The following CHRM3 variants were observed in gnomAD, a reference collection of about 807,000 sequenced individuals.
The protein encoded by CHRM3 is muscarinic acetylcholine receptor M3.
CHRM3 carries 11 observed loss-of-function variants against 41.8 expected under a neutral mutation model. The observed-to-expected ratio is 0.26, with a 90% CI of 0.17 to 0.44. The LOEUF (loss-of-function observed/expected upper bound fraction) is 0.44, where lower values mean the gene tolerates loss of function less well. CHRM3 is among the 20% of genes least tolerant of loss of function. The pLI is 1.00. For synonymous variants in CHRM3, 297 were observed against 301.4 expected, an observed-to-expected ratio of 0.99 and a Z score of 0.15; for missense variants, 571 against 745.4, an observed-to-expected ratio of 0.77 and a Z score of 2.72.
At chr1:239,776,541 A>C (rs1668096841) in intron 5 of CHRM3, among the ~76,000 whole-genome samples, 1 of 152,184 alleles carries the variant, frequency 6.6e-6, no homozygotes, top group Non-Finnish European at 1.5e-5. Context: ...ACCTTTCAAA[A>C]AATTGATGTA....
intron 1 of CHRM3, among the ~76,000 whole-genome samples, chr1:239,409,956 A>AC (rs1465479290): frequency 6.6e-6 from 1 of 152,146 alleles, no homozygotes; most frequent in African/African-American, 2.4e-5. Context: ...AAACAAACAA[A>AC]AAAAAGATAG....
At chr1:239,874,450 A>T (rs865892223) in intron 6 of CHRM3, among the ~76,000 whole-genome samples, 2 of 151,162 alleles carry the variant, frequency 1.3e-5, no homozygotes, top group Middle Eastern at 3.4e-3. Flanking sequence ...GTGTAAACAA[A>T]GGACCAACTT....
At chr1:239,519,587 A>G (rs990163237) in intron 2 of CHRM3, among the ~76,000 whole-genome samples, 10 of 152,144 alleles carry the variant, frequency 6.6e-5, no homozygotes, top group Admixed American at 2.0e-4. Context: ...CTATCTTGAA[A>G]TGAATTGTTA....
chr1:239,642,628 A>C (rs1671299284), intron 4 of CHRM3, among the ~76,000 whole-genome samples: 1 of 152,048 alleles, frequency 6.6e-6, no homozygotes, highest in Non-Finnish European at 1.5e-5. Flanking sequence ...AGCTCCTTTA[A>C]GCACTTCTCT....
intron 5 of CHRM3, among the ~76,000 whole-genome samples, chr1:239,777,838 G>T (rs1668216853): frequency 6.6e-6 from 1 of 152,102 alleles, no homozygotes; most frequent in South Asian, 2.1e-4. Context: ...ATAGTTACAG[G>T]GTTGTATTTC....
intron 6 of CHRM3, among the ~76,000 whole-genome samples, chr1:239,874,295 A>ATATATATATATCCATATACACAG (rs1553291886): frequency 1.4e-4 from 10 of 73,162 alleles, no homozygotes; most frequent in Non-Finnish European, 2.4e-4. Flanking sequence ...GTATATATAT[A>ATATATATATATCCATATACACAG]TATATATATA....
intron 3 of CHRM3, among the ~76,000 whole-genome samples, chr1:239,572,186 G>T (rs1439210322): frequency 6.6e-6 from 1 of 152,158 alleles, no homozygotes; most frequent in Non-Finnish European, 1.5e-5. Context: ...GAATCCAGAT[G>T]CAGGCACGAG....
intron 2 of CHRM3, among the ~76,000 whole-genome samples, chr1:239,508,560 C>T (rs1668722172): frequency 6.6e-6 from 1 of 152,188 alleles, no homozygotes. Context: ...TCTTCCTCAA[C>T]TCATGCAAGT....
intron 5 of CHRM3, among the ~76,000 whole-genome samples, chr1:239,786,281 C>T (rs1219873319): frequency 2.0e-5 from 3 of 152,064 alleles, no homozygotes; most frequent in African/African-American, 7.2e-5. Context: ...ATTTTGTATC[C>T]ACCATGCTAG....
intron 5 of CHRM3, among the ~76,000 whole-genome samples, chr1:239,739,594 G>T (rs1482724864): frequency 1.3e-5 from 2 of 152,050 alleles, no homozygotes; most frequent in Non-Finnish European, 2.9e-5. Context: ...TGCTAATAAG[G>T]CTGGGACATT....
At chr1:239,791,423 AGG>A (rs769048163) in intron 5 of CHRM3, among the ~76,000 whole-genome samples, 3 of 152,204 alleles carry the variant, frequency 2.0e-5, no homozygotes, top group Non-Finnish European at 4.4e-5. Context: ...TTTCTTTAAA[AGG>A]GGCATGTTGA....
intron 2 of CHRM3, among the ~76,000 whole-genome samples, chr1:239,518,615 C>A (rs1669428375): frequency 6.6e-6 from 1 of 152,188 alleles, no homozygotes; most frequent in Admixed American, 6.5e-5. Context: ...AAGCCAGAAG[C>A]TATTGCCAAT....
intron 3 of CHRM3, among the ~76,000 whole-genome samples, chr1:239,568,661 C>G (rs1308760610): frequency 1.3e-5 from 2 of 152,092 alleles, no homozygotes; most frequent in Non-Finnish European, 2.9e-5. Context: ...TCCCCTTACC[C>G]TCAGCCTCCT....
At position 239,628,776 on chromosome 1, in the gene CHRM3, G is replaced by C. The variant is rs1488177142; in HGVS notation, c.-312-3448G>C. On this transcript the variant is annotated intron_variant, in intron 3 of 6. Coordinates refer to ENST00000676153, the MANE Select transcript of CHRM3 (RefSeq NM_001375978.1). ...ATACCCTGCCGTGTGAGGTGTCAGT[G>C]TGCCCCTGCTGGGGGGTGCCTCCCA... is the stretch of plus-strand genomic sequence containing the variant. Among the ~76,000 whole-genome samples, 10 of 48,716 alleles carry C rather than the reference G, an allele frequency of 2.1e-4. No homozygotes were observed. In the East Asian group the frequency reaches 3.3e-3, roughly 16 times the overall value. 32.0% of individuals were successfully genotyped at this position (48,716 alleles called of 152,430 possible). A position where few individuals can be genotyped will look rare whatever the true frequency, so the allele number is the denominator to read the frequency against.
At chr1:239,872,388 C>A (rs967444288) in intron 6 of CHRM3, among the ~76,000 whole-genome samples, 1 of 152,086 alleles carries the variant, frequency 6.6e-6, no homozygotes. Flanking sequence ...GCAATTATAC[C>A]CAACAGACCT....
chr1:239,415,911 T>C (rs1436642638), intron 1 of CHRM3, among the ~76,000 whole-genome samples: 3 of 152,216 alleles, frequency 2.0e-5, no homozygotes, highest in Admixed American at 6.5e-5. Flanking sequence ...GCAGAAGTGC[T>C]TAATTTTAAT....
At chr1:239,705,823 T>A (rs937520728) in intron 5 of CHRM3, 1 of 151,998 alleles carries the variant, frequency 6.6e-6, no homozygotes, top group Non-Finnish European at 1.5e-5. Context: ...AATAGAGACA[T>A]TATTCTAGGC....
chr1:239,712,293 C>G (rs1054814594), intron 5 of CHRM3, among the ~76,000 whole-genome samples: 2 of 152,186 alleles, frequency 1.3e-5, no homozygotes, highest in Middle Eastern at 3.4e-3. Context: ...GGAATGACTT[C>G]GTTGGTTTGT....
intron 3 of CHRM3, among the ~76,000 whole-genome samples, chr1:239,573,143 T>G (rs1165415251): frequency 6.6e-6 from 1 of 152,122 alleles, no homozygotes; most frequent in African/African-American, 2.4e-5. Context: ...GCTGCCTAGT[T>G]CCTCGCATTC....
Sources: gnomAD v4.1 joint callset for allele counts (sites outside exome capture counted in the v4.1 genomes callset) on GRCh38, gnomAD v4.1.1 for gene constraint, MANE v1.5 for transcripts, NCBI Gene and HGNC (gene_info 2026-07-23, HGNC 2026-07-21) for gene names.